Variants in BRINP3 observed in about 807,000 individuals in gnomAD.
The protein encoded by BRINP3 is BMP/retinoic acid inducible neural specific 3.
In BRINP3, 19 loss-of-function variants were observed where a neutral mutation model predicts 71.0. The observed-to-expected ratio is 0.27, with a 90% CI of 0.19 to 0.39. BRINP3 has a LOEUF of 0.39. Among genes scored for constraint, BRINP3 ranks in the 10% least tolerant of loss-of-function variants. The probability of loss-of-function intolerance (pLI) is 1.00; values close to 1 mark genes in which losing one functional copy is unlikely to be tolerated. For missense variants in BRINP3, 959 were observed against 940.8 expected (o/e 1.02, Z -0.25); for synonymous variants, 380 against 337.7 (o/e 1.13, Z -1.37).
intron 2 of BRINP3, among the ~76,000 whole-genome samples, chr1:190,314,600 A>C (rs1365078490): frequency 6.6e-6 from 1 of 152,136 alleles, no homozygotes; most frequent in Non-Finnish European, 1.5e-5. Flanking sequence ...CTAGAAGCTG[A>C]AAAGTTAGGA....
intron 6 of BRINP3, among the ~76,000 whole-genome samples, chr1:190,197,301 C>T (rs1654572937): frequency 6.6e-6 from 1 of 152,106 alleles, no homozygotes. Context: ...ACCATTTCAG[C>T]ACCTGGCCCC....
rs142058551 is a variant in BRINP3 at position 190,196,252 on chromosome 1, C to A, written c.961+29830G>T. 8.5e-5 allele frequency among the ~76,000 whole-genome samples: 13 copies of A among 152,236 alleles called. No homozygotes were observed. In the East Asian group the frequency reaches 1.7e-3, roughly 20 times the overall value. On this transcript the variant is annotated intron_variant, in intron 6 of 7. Transcript: ENST00000367462. The stretch of plus-strand genomic sequence containing the variant: ...CAATTCCACTCACCTACCAATAGCA[C>A]CCTGCCTTCTGCATTTGGAGTACAA...
At chr1:190,222,959 A>C in intron 6 of BRINP3, among the ~76,000 whole-genome samples, 1 of 151,932 alleles carries the variant, frequency 6.6e-6, no homozygotes, top group East Asian at 1.9e-4. Context: ...ACAACTTACC[A>C]AGATTGAACA....
chr1:190,242,339 T>C (rs1659182070), intron 4 of BRINP3, among the ~76,000 whole-genome samples: 1 of 152,044 alleles, frequency 6.6e-6, no homozygotes, highest in South Asian at 2.1e-4. Context: ...ATACTTAGTG[T>C]GTTATACATA....
intron 7 of BRINP3, among the ~76,000 whole-genome samples, chr1:190,146,677 C>A (rs1019553591): frequency 5.9e-5 from 9 of 152,028 alleles, no homozygotes; most frequent in African/African-American, 2.2e-4. Context: ...AGTGGCTACT[C>A]AGCAGTGTAG....
chr1:190,134,925 G>A (rs1191231098), intron 7 of BRINP3, among the ~76,000 whole-genome samples: 2 of 152,084 alleles, frequency 1.3e-5, no homozygotes, highest in Non-Finnish European at 2.9e-5. Context: ...GTGTATCTCA[G>A]TGCCTCTTTA....
intron 2 of BRINP3, among the ~76,000 whole-genome samples, chr1:190,362,465 G>C (rs566031583): frequency 6.6e-6 from 1 of 152,130 alleles, no homozygotes; most frequent in African/African-American, 2.4e-5. Context: ...GGAATTTCTT[G>C]TCAGAAGAAA....
chr1:190,440,355 A>T (rs1674736800), intron 2 of BRINP3, among the ~76,000 whole-genome samples: 1 of 151,990 alleles, frequency 6.6e-6, no homozygotes, highest in African/African-American at 2.4e-5. Flanking sequence ...CAATATAATT[A>T]TGTAAATCAC....
intron 1 of BRINP3, among the ~76,000 whole-genome samples, chr1:190,463,941 A>G (rs912668743): frequency 1.3e-5 from 2 of 152,036 alleles, no homozygotes; most frequent in African/African-American, 4.8e-5. Context: ...CATTCGTCCT[A>G]TAAATAGGTA....
At chr1:190,145,529 C>T (rs973123177) in intron 7 of BRINP3, among the ~76,000 whole-genome samples, 13 of 152,078 alleles carry the variant, frequency 8.5e-5, no homozygotes, top group African/African-American at 3.1e-4. Flanking sequence ...AATTTCCAAT[C>T]AGGGAAGAAT....
intron 6 of BRINP3, among the ~76,000 whole-genome samples, chr1:190,161,811 T>C (rs983960456): frequency 6.6e-6 from 1 of 152,108 alleles, no homozygotes; most frequent in Non-Finnish European, 1.5e-5. Context: ...GCCATAACAA[T>C]GAATAAAGTT....
chr1:190,180,115 A>G (rs948983668), intron 6 of BRINP3, among the ~76,000 whole-genome samples: 3 of 152,056 alleles, frequency 2.0e-5, no homozygotes, highest in African/African-American at 7.2e-5. Flanking sequence ...TGACCTGGGG[A>G]CAGGAGAAAA....
At chr1:190,371,748 A>G (rs2102193903) in intron 2 of BRINP3, among the ~76,000 whole-genome samples, 1 of 152,282 alleles carries the variant, frequency 6.6e-6, no homozygotes, top group South Asian at 2.1e-4. Context: ...GAATCTATAA[A>G]TCATGTTGAG....
At chr1:190,386,493 A>G (rs974790694) in intron 2 of BRINP3, among the ~76,000 whole-genome samples, 9 of 151,960 alleles carry the variant, frequency 5.9e-5, no homozygotes, top group Admixed American at 3.3e-4. Flanking sequence ...AAAATGTTAA[A>G]TATATCATTG....
intron 1 of BRINP3, among the ~76,000 whole-genome samples, chr1:190,459,699 C>T (rs755214151): frequency 6.6e-6 from 1 of 151,980 alleles, no homozygotes; most frequent in Non-Finnish European, 1.5e-5. Flanking sequence ...TGCATTTGGA[C>T]TGATTTTTGC....
chr1:190,465,577 A>G (rs1676688644), intron 1 of BRINP3, among the ~76,000 whole-genome samples: 1 of 151,924 alleles, frequency 6.6e-6, no homozygotes, highest in South Asian at 2.1e-4. Flanking sequence ...TTTAGCAAGA[A>G]TCCTGTTAGA....
chr1:190,134,979 T>A (rs979647756), intron 7 of BRINP3, among the ~76,000 whole-genome samples: 15 of 152,028 alleles, frequency 9.9e-5, no homozygotes, highest in African/African-American at 3.6e-4. Flanking sequence ...GAAGTACACA[T>A]GTTATTTAAG....
intron 2 of BRINP3, among the ~76,000 whole-genome samples, chr1:190,398,396 A>C (rs1671716119): frequency 6.6e-6 from 1 of 151,992 alleles, no homozygotes; most frequent in East Asian, 1.9e-4. Flanking sequence ...GGGATGATGT[A>C]AAATTCTGAA....
intron 2 of BRINP3, among the ~76,000 whole-genome samples, chr1:190,409,945 A>C (rs539350722): frequency 6.6e-6 from 1 of 152,166 alleles, no homozygotes; most frequent in Non-Finnish European, 1.5e-5. Flanking sequence ...GGAAACCATT[A>C]GACTGTTTTA....
Sources: allele counts gnomAD v4.1 joint callset (sites outside exome capture counted in the v4.1 genomes callset), GRCh38; gene constraint gnomAD v4.1.1; transcripts MANE v1.5; gene names NCBI Gene and HGNC (gene_info 2026-07-23, HGNC 2026-07-21).